NLGN4X: variants seen among roughly 807,000 people sequenced by gnomAD.
NLGN4X encodes neuroligin 4 X-linked, also known as neuroligin-4, X-linked.
A neutral mutation model predicts 40.3 loss-of-function variants in NLGN4X; 3 were observed. The observed-to-expected ratio is 0.07, with a 90% confidence interval of 0.03 to 0.19. The LOEUF (loss-of-function observed/expected upper bound fraction) is 0.19, where lower values mean the gene tolerates loss of function less well. Among genes scored for constraint, NLGN4X ranks in the 10% least tolerant of loss-of-function variants. NLGN4X has a pLI of 1.00. For missense variants in NLGN4X, 382 were observed against 708.3 expected, an observed-to-expected ratio of 0.54 and a Z score of 5.23; for synonymous variants, 270 against 306.8, an observed-to-expected ratio of 0.88 and a Z score of 1.25.
At chrX:5,997,544 C>T in intron 3 of NLGN4X, among the ~76,000 whole-genome samples, 1 of 103,742 alleles carries the variant, frequency 9.6e-6, no homozygotes. Context: ...ATAAATTATA[C>T]ACATTTAATA....
At position 5,893,074 on chromosome X, in the gene NLGN4X, G is replaced by A. The variant is rs777508939; in HGVS notation, c.2194C>T (p.Leu732=). Reference sequence around the variant, plus strand: ...TCGTGTTCCAGCTGCTTCATCTGCAGAGACATGATCTCTTCGTTCTGGATG... The same window carrying A: ...TCGTGTTCCAGCTGCTTCATCTGCAAAGACATGATCTCTTCGTTCTGGATG... ...AHIQNEEIMS[L]QMKQLEHDHE... Residue 732 remains leucine, a synonymous_variant, in exon 6 of 6, where the codon CTG becomes TTG. Coordinates refer to ENST00000381095, the MANE Select transcript of NLGN4X (RefSeq NM_181332.3). The A allele has an allele frequency of 1.2e-4, 142 of 1,209,409 alleles. No individual in the cohort carries two copies. The highest frequency in any genetic ancestry group is 1.4e-4 in the Non-Finnish European group (129 of 895,164).
chrX:6,043,234 T>C (rs2037225914), intron 2 of NLGN4X, among the ~76,000 whole-genome samples: 1 of 108,692 alleles, frequency 9.2e-6, no homozygotes. Context: ...AACACAATAT[T>C]TCAAGAGGTA....
intron 2 of NLGN4X, among the ~76,000 whole-genome samples, chrX:6,061,949 C>G (rs142185855): frequency 8.9e-6 from 1 of 111,836 alleles, no homozygotes; most frequent in African/African-American, 3.2e-5. Flanking sequence ...TCTCTGTCCA[C>G]AGAACTCTCT....
chrX:5,978,277 TTTCTTTCTTTCTTTCTTTC>T (rs2035248522), intron 3 of NLGN4X, among the ~76,000 whole-genome samples: 1 of 1,292 alleles, frequency 7.7e-4, no homozygotes. Context: ...TCTTTTTTTC[TTTCTTTCTTTCTTTCTTTC>T]TTTCTTTCTT....
intron 3 of NLGN4X, among the ~76,000 whole-genome samples, chrX:5,970,210 T>C (rs2034984186): frequency 9.2e-6 from 1 of 108,345 alleles, no homozygotes; most frequent in Admixed American, 9.8e-5. Context: ...GTAATAATGA[T>C]TTAAAAAAAA....
At chrX:6,227,508 C>T (rs1348805748) in intron 1 of NLGN4X, among the ~76,000 whole-genome samples, 2 of 106,829 alleles carry the variant, frequency 1.9e-5, no homozygotes, top group Non-Finnish European at 3.8e-5. Flanking sequence ...CAGCTGCAAG[C>T]CCCCCCGCGC....
At chrX:6,085,584 C>A (rs925539522) in intron 2 of NLGN4X, among the ~76,000 whole-genome samples, 7 of 112,402 alleles carry the variant, frequency 6.2e-5, no homozygotes. Flanking sequence ...ATTTTACTTA[C>A]ATACCAAAAA....
At chrX:6,152,333 C>T (rs2040183448) in intron 1 of NLGN4X, among the ~76,000 whole-genome samples, 1 of 112,201 alleles carries the variant, frequency 8.9e-6, no homozygotes, top group Non-Finnish European at 1.9e-5. Flanking sequence ...AATGATCAAA[C>T]AGATGTTCAA....
At chrX:6,017,475 T>C (rs780991407) in intron 3 of NLGN4X, among the ~76,000 whole-genome samples, 1 of 111,773 alleles carries the variant, frequency 8.9e-6, no homozygotes, top group African/African-American at 3.3e-5. Flanking sequence ...GTTCGCAATA[T>C]ATTGAACACA....
intron 2 of NLGN4X, among the ~76,000 whole-genome samples, chrX:6,032,963 C>A (rs1397645606): frequency 9.1e-6 from 1 of 110,388 alleles, no homozygotes; most frequent in Non-Finnish European, 1.9e-5. Context: ...TCAAGAAGAA[C>A]AAATTCAAAA....
intron 3 of NLGN4X, among the ~76,000 whole-genome samples, chrX:5,948,644 C>T (rs1325629079): frequency 1.8e-5 from 2 of 111,942 alleles, no homozygotes; most frequent in African/African-American, 6.5e-5. Context: ...TTTAGTCTTG[C>T]CCTATGGAGG....
intron 3 of NLGN4X, among the ~76,000 whole-genome samples, chrX:6,022,197 A>G (rs770750913): frequency 2.7e-5 from 3 of 112,221 alleles, no homozygotes; most frequent in African/African-American, 9.7e-5. Context: ...GGCCATTTAC[A>G]GAAATCAAAT....
intron 2 of NLGN4X, among the ~76,000 whole-genome samples, chrX:6,148,899 G>C (rs2040108753): frequency 1.8e-5 from 2 of 112,025 alleles, no homozygotes; most frequent in African/African-American, 6.5e-5. Context: ...GTGACTTGTG[G>C]ATGGTACAAA....
chrX:6,135,311 CCAA>C (rs1357936895), intron 2 of NLGN4X, among the ~76,000 whole-genome samples: 1 of 111,790 alleles, frequency 8.9e-6, no homozygotes, highest in African/African-American at 3.3e-5. Context: ...TGTTTACAAA[CCAA>C]CAACAACAGC....
At chrX:6,172,292 A>C (rs1432839016) in intron 1 of NLGN4X, among the ~76,000 whole-genome samples, 1 of 111,965 alleles carries the variant, frequency 8.9e-6, no homozygotes, top group African/African-American at 3.2e-5. Context: ...TTGTTTCATA[A>C]GCCTGGAAGT....
At chrX:6,224,599 A>G (rs1925990326) in intron 1 of NLGN4X, among the ~76,000 whole-genome samples, 1 of 111,494 alleles carries the variant, frequency 9.0e-6, no homozygotes, top group East Asian at 2.8e-4. Flanking sequence ...TAAATTTCAC[A>G]GCATCAAGAT....
rs746911446 is a variant in NLGN4X at position 6,151,043 on chromosome X, G to C, written c.424C>G (p.Gln142Glu). Residue 142 changes from glutamine to glutamate, a missense_variant, in exon 2 of 6, where the codon CAA becomes GAA. Around this residue, in one of 5 missense-constraint regions of NLGN4X, gnomAD observed 115 missense variants for 149.6 expected, o/e 0.77. Coordinates refer to ENST00000381095, the MANE Select transcript of NLGN4X (RefSeq NM_181332.3). Reference protein sequence around the residue: ...LDTLMTYVQDQNEDCLYLNIY... With the variant: ...LDTLMTYVQDENEDCLYLNIY... Reference sequence around the variant, plus strand: ...TTTAAGTAAAGGCAGTCTTCATTTTGATCTTGAACATAGGTCATCAAAGTA... The same window carrying C: ...TTTAAGTAAAGGCAGTCTTCATTTTCATCTTGAACATAGGTCATCAAAGTA... 1 of 1,210,459 alleles carries C rather than the reference G, an allele frequency of 8.3e-7. No individual in the cohort carries two copies.
At chrX:6,059,607 C>T (rs2037721417) in intron 2 of NLGN4X, among the ~76,000 whole-genome samples, 1 of 111,324 alleles carries the variant, frequency 9.0e-6, no homozygotes, top group African/African-American at 3.3e-5. Context: ...GCCTTACCTG[C>T]CTAGTGCAAA....
At chrX:5,894,477 T>C (rs1411770190) in intron 5 of NLGN4X, among the ~76,000 whole-genome samples, 2 of 112,008 alleles carry the variant, frequency 1.8e-5, no homozygotes, top group African/African-American at 6.5e-5. Flanking sequence ...TTTGCTAAAA[T>C]GGTACATATA....
Sources: gnomAD v4.1 joint callset for allele counts (sites outside exome capture counted in the v4.1 genomes callset) on GRCh38, gnomAD v4.1.1 for gene constraint, gnomAD v4.1.1 regional missense constraint, MANE v1.5 for transcripts, NCBI Gene and HGNC (gene_info 2026-07-23, HGNC 2026-07-21) for gene names.